ATP11A: variants seen among roughly 807,000 people sequenced by gnomAD.
The protein encoded by ATP11A is ATPase phospholipid transporting 11A.
ATP11A carries 81 observed loss-of-function variants against 154.4 expected under a neutral mutation model. The observed-to-expected ratio is 0.52, with a 90% confidence interval of 0.44 to 0.63. The LOEUF (loss-of-function observed/expected upper bound fraction) is 0.63, where lower values mean the gene tolerates loss of function less well. Among genes scored for constraint, ATP11A ranks in the 30% least tolerant of loss-of-function variants. ATP11A has a pLI of 0.00. For missense variants in ATP11A, 1,316 were observed against 1,474.3 expected, an observed-to-expected ratio of 0.89 and a Z score of 1.76; for synonymous variants, 623 against 585.9, an observed-to-expected ratio of 1.06 and a Z score of -0.91.
intron 1 of ATP11A, among the ~76,000 whole-genome samples, chr13:112,695,823 C>T (rs957078126): frequency 6.6e-6 from 1 of 152,128 alleles, no homozygotes; most frequent in Non-Finnish European, 1.5e-5. Context: ...ATTCTCAAGT[C>T]CCAGACTTAT....
At chr13:112,738,755 G>C (rs1288697339) in intron 1 of ATP11A, among the ~76,000 whole-genome samples, 2 of 133,496 alleles carry the variant, frequency 1.5e-5, no homozygotes, top group African/African-American at 5.6e-5. Context: ...GCCGTCAGCC[G>C]TGTTGTTTTG....
At chr13:112,771,299 T>A (rs966967914) in intron 1 of ATP11A, among the ~76,000 whole-genome samples, 1 of 152,156 alleles carries the variant, frequency 6.6e-6, no homozygotes, top group Non-Finnish European at 1.5e-5. Context: ...TTGCCCTTAC[T>A]GGGGCAACGA....
intron 2 of ATP11A, among the ~76,000 whole-genome samples, chr13:112,790,092 A>G (rs1416369203): frequency 6.7e-6 from 1 of 148,692 alleles, no homozygotes; most frequent in Admixed American, 6.7e-5. Flanking sequence ...TCCTATGTAG[A>G]CCTATTTAAT....
Position 112,831,929 on chromosome 13 carries a change from A to ATG in ATP11A, c.1395+381_1395+382insTG, listed in dbSNP as rs113616239. Among the ~76,000 whole-genome samples, 791 of 143,790 alleles carry ATG rather than the reference A, an allele frequency of 5.5e-3. 10 individuals carry two copies. The highest frequency in any genetic ancestry group is 0.021 in the African/African-American group (762 of 36,424). The allele number at this position is 143,790 out of a possible 152,430, so 94.3% of individuals were successfully genotyped here. A position where few individuals can be genotyped will look rare whatever the true frequency, so the allele number is the denominator to read the frequency against. On this transcript the variant is annotated intron_variant, in intron 13 of 29. Coordinates refer to ENST00000375645, the MANE Select transcript of ATP11A (RefSeq NM_015205.3). Reference sequence around the variant, plus strand: ...ACATGCCCAGACACTGTGTGCACACACAGACACACATGCACACATGCAGAC... The same window carrying ATG: ...ACATGCCCAGACACTGTGTGCACACATGCAGACACACATGCACACATGCAGAC...
chr13:112,748,135 T>A (rs1455842769), intron 1 of ATP11A, among the ~76,000 whole-genome samples: 2 of 152,226 alleles, frequency 1.3e-5, no homozygotes, highest in Non-Finnish European at 2.9e-5. Context: ...TGTTTAGATT[T>A]GGGTCTCATC....
In ATP11A at chr13:112,831,487, A is replaced by G. The variant is rs764842494; in HGVS notation, c.1334A>G (p.Gln445Arg). The change falls in exon 13 of 30, where the codon CAG becomes CGG. Residue 445 changes from glutamine to arginine, a missense_variant. Gln to Arg is a conservative substitution (Grantham distance 43). Transcript: ENST00000375645. ...VYVPHVICNG[Q>R]VLPESSGIDM... is the part of the protein sequence containing the mutation. ...GTGCCCCACGTCATCTGCAACGGGC[A>G]GGTCCTCCCAGAGTCGTCAGGAATC... The G allele has an allele frequency of 3.5e-5, 57 of 1,614,178 alleles. No individual in the cohort carries two copies. The highest frequency in any genetic ancestry group is 4.5e-5 in the Non-Finnish European group (53 of 1,180,032).
chr13:112,880,344 T>G, intron 29 of ATP11A: 1 of 251,964 alleles, frequency 4.0e-6, no homozygotes, highest in Non-Finnish European at 7.1e-6. Flanking sequence ...GGGCCCCTCA[T>G]GGGAGCGGCC....
intron 15 of ATP11A, among the ~76,000 whole-genome samples, 189 bp downstream of exon 15, chr13:112,834,849 C>T (rs184911637): frequency 4.3e-4 from 66 of 152,390 alleles, no homozygotes; most frequent in African/African-American, 1.6e-3. Flanking sequence ...TAGAGAAGGG[C>T]TTGGGTGCAG....
Position 112,762,354 on chromosome 13 carries a change from T to C in ATP11A, c.40-22781T>C, listed in dbSNP as rs912403293. On this transcript the variant is annotated intron_variant, in intron 1 of 29. Coordinates refer to ENST00000375645, the MANE Select transcript of ATP11A (RefSeq NM_015205.3). ...GTCTCTGAGGCTGAGAGGCAGTTTC[T>C]CAGAGTATGAGCTGGGACCTGAAAG... Among the ~76,000 whole-genome samples the C allele has an allele frequency of 2.0e-5, 3 of 152,128 alleles. No homozygotes were observed. The East Asian group carries it at 5.8e-4, about 29-fold the overall frequency.
intron 11 of ATP11A, 103 bp from the exon 12 acceptor site, chr13:112,826,591 C>G: frequency 1.1e-6 from 1 of 919,360 alleles, no homozygotes; most frequent in Non-Finnish European, 1.8e-6. Context: ...TTAGTAGTAG[C>G]GCTCGTATAA....
chr13:112,874,862 A>C (rs2080669134), intron 27 of ATP11A, among the ~76,000 whole-genome samples: 1 of 152,314 alleles, frequency 6.6e-6, no homozygotes, highest in South Asian at 2.1e-4. Flanking sequence ...TGTAAGAGGA[A>C]GATTCCATCC....
At chr13:112,821,827 G>A (rs898858712) in intron 8 of ATP11A, among the ~76,000 whole-genome samples, 2 of 152,126 alleles carry the variant, frequency 1.3e-5, no homozygotes, top group Non-Finnish European at 2.9e-5. Flanking sequence ...TTTTAAAAAC[G>A]CTGTTTGTTT....
At chr13:112,844,401 A>C (rs1197264147) in intron 17 of ATP11A, among the ~76,000 whole-genome samples, 1 of 152,190 alleles carries the variant, frequency 6.6e-6, no homozygotes, top group Non-Finnish European at 1.5e-5. Context: ...AAGGGCATTG[A>C]CACACGAACA....
chr13:112,810,840 G>A (rs1209965922), intron 5 of ATP11A, 114 bp downstream of exon 5: 2 of 889,306 alleles, frequency 2.2e-6, no homozygotes, highest in Non-Finnish European at 3.5e-6. Context: ...GGAGGCTGAG[G>A]CAGGAGGATC....
intron 6 of ATP11A, among the ~76,000 whole-genome samples, chr13:112,817,063 A>G (rs1004068026): frequency 6.6e-6 from 1 of 152,240 alleles, no homozygotes; most frequent in African/African-American, 2.4e-5. Context: ...CTGCACAGGC[A>G]GTTGATGCTA....
chr13:112,882,253 C>A lies in ATP11A; in HGVS notation c.*387C>A. ...ACGCAGGAGGGACATTCTGCTGGCC[C>A]ACCCTGCGCGCTGTCATGCAGAGGC... is the stretch of plus-strand genomic sequence containing the variant. On this transcript the variant is annotated 3_prime_UTR_variant, in exon 30 of 30. Transcript: ENST00000375645. This position sits in a 1 kb window ranked among gnomAD's most constrained non-coding sequence, Gnocchi z 5.1. 1 of 630,838 alleles carries A rather than the reference C, an allele frequency of 1.6e-6. No homozygotes were observed. The highest frequency in any genetic ancestry group is 2.4e-6 in the Non-Finnish European group (1 of 422,844). The allele number at this position is 630,838 out of a possible 1,614,324, so 39.1% of individuals were successfully genotyped here. A position where few individuals can be genotyped will look rare whatever the true frequency, so the allele number is the denominator to read the frequency against.
intron 13 of ATP11A, among the ~76,000 whole-genome samples, chr13:112,832,127 T>TG (rs1194325303): frequency 6.6e-6 from 1 of 151,834 alleles, no homozygotes; most frequent in Non-Finnish European, 1.5e-5. Context: ...CACAGACACA[T>TG]GCTCACACGC....
chr13:112,726,639 G>A (rs1594436958), intron 1 of ATP11A, among the ~76,000 whole-genome samples: 1 of 152,290 alleles, frequency 6.6e-6, no homozygotes, highest in Admixed American at 6.5e-5. Flanking sequence ...AGATGCTGGG[G>A]GACAGAAAAC....
At chr13:112,705,374 G>A (rs150875970) in intron 1 of ATP11A, among the ~76,000 whole-genome samples, 44 of 149,614 alleles carry the variant, frequency 2.9e-4, no homozygotes, top group African/African-American at 1.1e-3. Context: ...TCCTCAGCAC[G>A]CGGGGGTGCT....
Sources: allele counts gnomAD v4.1 joint callset (sites outside exome capture counted in the v4.1 genomes callset), GRCh38; gene constraint gnomAD v4.1.1; non-coding constraint Gnocchi (gnomAD v3.1); transcripts MANE v1.5; gene names NCBI Gene and HGNC (gene_info 2026-07-23, HGNC 2026-07-21).